Variants in SRD5A2 observed in about 807,000 individuals in gnomAD.
The protein encoded by SRD5A2 is steroid 5 alpha-reductase 2.
A neutral mutation model predicts 27.4 loss-of-function variants in SRD5A2; 30 were observed. The observed-to-expected ratio is 1.10, with a 90% CI of 0.82 to 1.49. The LOEUF (loss-of-function observed/expected upper bound fraction) is 1.49, where lower values mean the gene tolerates loss of function less well. Among genes scored for constraint, SRD5A2 ranks in the 40% most tolerant of loss-of-function variants. SRD5A2 has a pLI of 0.00. For synonymous variants in SRD5A2, 141 were observed against 133.6 expected, an observed-to-expected ratio of 1.06 and a Z score of -0.38; for missense variants, 348 against 323.4, an observed-to-expected ratio of 1.08 and a Z score of -0.58.
At chr2:31,532,795 G>T (rs1665941070) in intron 2 of SRD5A2, among the ~76,000 whole-genome samples, 2 of 152,184 alleles carry the variant, frequency 1.3e-5, no homozygotes, top group East Asian at 1.9e-4. Context: ...GGCAGGGGAT[G>T]GTAGGGGAGC....
chr2:31,625,855 G>T, the SRD5A2 span, among the ~76,000 whole-genome samples: 1 of 152,050 alleles, frequency 6.6e-6, no homozygotes, highest in East Asian at 1.9e-4. Flanking sequence ...CTCTTTTCTG[G>T]TTCCATACGA....
chr2:31,649,682 A>G, the SRD5A2 span, among the ~76,000 whole-genome samples: 2 of 151,890 alleles, frequency 1.3e-5, no homozygotes, highest in Non-Finnish European at 2.9e-5. Context: ...ATTCAACACA[A>G]TTTTCCCAGA....
At chr2:31,528,304 C>T (rs1665825604) in intron 4 of SRD5A2, among the ~76,000 whole-genome samples, 1 of 152,158 alleles carries the variant, frequency 6.6e-6, no homozygotes, top group African/African-American at 2.4e-5. Context: ...AAGGCAGTAC[C>T]AAAATAAACC....
the SRD5A2 span, among the ~76,000 whole-genome samples, chr2:31,642,313 A>G: frequency 6.6e-6 from 1 of 152,070 alleles, no homozygotes; most frequent in Non-Finnish European, 1.5e-5. Flanking sequence ...CATAGGAGAC[A>G]ATTTTTTTGA....
chr2:31,531,267 T>G, intron 3 of SRD5A2, 104 bp downstream of exon 3: 1 of 760,094 alleles, frequency 1.3e-6, no homozygotes, highest in South Asian at 1.7e-5. Context: ...AGAGGTATTG[T>G]ATCATTCGTG....
chr2:31,553,219 C>T (rs911753264), intron 1 of SRD5A2, among the ~76,000 whole-genome samples: 1 of 151,920 alleles, frequency 6.6e-6, no homozygotes, highest in Non-Finnish European at 1.5e-5. Flanking sequence ...TTGAAATTAT[C>T]CAGTTATAAG....
At position 31,541,876 on chromosome 2, in the gene SRD5A2, C is replaced by T. The variant is rs1212580473; in HGVS notation, c.282-8110G>A. ...TAAACTCAGCCAATGCCAACACACACAGGGAGCATATAGATCAGCCCTAGC... is the reference window on the plus strand; with the variant it reads ...TAAACTCAGCCAATGCCAACACACATAGGGAGCATATAGATCAGCCCTAGC... On this transcript the variant is annotated intron_variant, in intron 1 of 4. Coordinates refer to ENST00000622030, the MANE Select transcript of SRD5A2 (RefSeq NM_000348.4). Among the ~76,000 whole-genome samples the T allele has an allele frequency of 3.3e-5, 5 of 152,304 alleles. No individual in the cohort carries two copies. The East Asian group carries it at 7.7e-4, about 24-fold the overall frequency.
intron 1 of SRD5A2, among the ~76,000 whole-genome samples, chr2:31,567,744 G>A (rs1182880122): frequency 1.3e-5 from 2 of 152,084 alleles, no homozygotes; most frequent in Non-Finnish European, 1.5e-5. Flanking sequence ...TTGTATACAA[G>A]TCTTTGTGTC....
chr2:31,635,045 C>A, the SRD5A2 span, among the ~76,000 whole-genome samples: 1 of 152,122 alleles, frequency 6.6e-6, no homozygotes, highest in Non-Finnish European at 1.5e-5. Context: ...TCAGATAAGA[C>A]CCCAGTACTG....
chr2:31,657,964 C>CA, the SRD5A2 span, among the ~76,000 whole-genome samples: 95 of 152,002 alleles, frequency 6.2e-4, no homozygotes, highest in Non-Finnish European at 1.2e-3. Flanking sequence ...ACAGTAAATA[C>CA]AAAAAAATAC....
intron 1 of SRD5A2, among the ~76,000 whole-genome samples, chr2:31,574,091 C>G (rs1471420614): frequency 1.3e-5 from 2 of 152,194 alleles, no homozygotes; most frequent in African/African-American, 4.8e-5. Flanking sequence ...AGTGGCCTGG[C>G]GGGGGCCCGT....
At chr2:31,654,775 C>T in the SRD5A2 span, among the ~76,000 whole-genome samples, 1 of 152,174 alleles carries the variant, frequency 6.6e-6, no homozygotes, top group Non-Finnish European at 1.5e-5. Flanking sequence ...GTATCAGGCA[C>T]ACCCACCATA....
chr2:31,643,012 A>G, the SRD5A2 span, among the ~76,000 whole-genome samples: 54 of 152,222 alleles, frequency 3.5e-4, no homozygotes, highest in African/African-American at 1.3e-3. Flanking sequence ...AAAAATAGTT[A>G]TCTGGGCAGG....
At chr2:31,589,694 C>T in the SRD5A2 span, among the ~76,000 whole-genome samples, 3,043 of 152,188 alleles carry the variant, frequency 0.02, 90 homozygotes, top group African/African-American at 0.069. Flanking sequence ...AAGCTCCTAG[C>T]TGATCTTTGT....
chr2:31,545,866 G>A (rs1666240508), intron 1 of SRD5A2, among the ~76,000 whole-genome samples: 2 of 152,134 alleles, frequency 1.3e-5, no homozygotes, highest in Non-Finnish European at 2.9e-5. Flanking sequence ...ATTAAGCAAA[G>A]TAGCAGGATA....
chr2:31,571,646 T>A (rs1157957605), intron 1 of SRD5A2, among the ~76,000 whole-genome samples: 2 of 152,164 alleles, frequency 1.3e-5, no homozygotes, highest in Non-Finnish European at 2.9e-5. Context: ...ATATCCAGCA[T>A]CTATAAGGAA....
the SRD5A2 span, among the ~76,000 whole-genome samples, chr2:31,657,558 T>C: frequency 6.6e-6 from 1 of 152,166 alleles, no homozygotes; most frequent in African/African-American, 2.4e-5. Context: ...GTTCAGCCAA[T>C]AGATTCTCTT....
intron 1 of SRD5A2, among the ~76,000 whole-genome samples, chr2:31,547,083 A>G (rs891727642): frequency 6.6e-6 from 1 of 152,124 alleles, no homozygotes; most frequent in African/African-American, 2.4e-5. Context: ...GGGCAACAAG[A>G]GTGAAACTCC....
chr2:31,587,351 C>T, the SRD5A2 span, among the ~76,000 whole-genome samples: 1 of 152,164 alleles, frequency 6.6e-6, no homozygotes, highest in Non-Finnish European at 1.5e-5. Context: ...TGTGGTGATT[C>T]CTTAAGGATC....
Sources: gnomAD v4.1 joint callset for allele counts (sites outside exome capture counted in the v4.1 genomes callset) on GRCh38, gnomAD v4.1.1 for gene constraint, MANE v1.5 for transcripts, NCBI Gene and HGNC (gene_info 2026-07-23, HGNC 2026-07-21) for gene names.